Variants in CSMD1 observed in about 807,000 individuals in gnomAD.
CSMD1 encodes CUB and sushi domain-containing protein 1.
A neutral mutation model predicts 417.5 loss-of-function variants in CSMD1; 213 were observed. The observed-to-expected ratio is 0.51, with a 90% CI of 0.46 to 0.57. The LOEUF is 0.57. Ranked by LOEUF, CSMD1 falls within the 20% of genes least tolerant of loss-of-function variation. CSMD1 has a pLI of 0.00. For missense variants in CSMD1, 6,923 were observed against 4,529.7 expected (o/e 1.53, Z -15.17); for synonymous variants, 2,862 against 1,736.8 (o/e 1.65, Z -16.11).
chr8:4,552,967 T>C (rs1487533042), intron 2 of CSMD1, among the ~76,000 whole-genome samples: 1 of 152,234 alleles, frequency 6.6e-6, no homozygotes, highest in Non-Finnish European at 1.5e-5. Flanking sequence ...TCTGCTCTCT[T>C]GTACCTTGCT....
At position 4,682,734 on chromosome 8, in the gene CSMD1, C is replaced by T. The variant is rs144194202; in HGVS notation, c.86-45176G>A. 5.8e-3 allele frequency among the ~76,000 whole-genome samples: 876 copies of T among 151,536 alleles called. 9 individuals are homozygous for T. The highest frequency in any genetic ancestry group is 0.018 in the African/African-American group (737 of 41,438). On this transcript the variant is annotated intron_variant, in intron 1 of 69. Coordinates refer to ENST00000635120, the MANE Select transcript of CSMD1 (RefSeq NM_033225.6). ...ATTCTATATTATTTGTCCAATATTA[C>T]GTTGCTGTCTTAGCTTGAAAAAATA... is the stretch of plus-strand genomic sequence containing the variant.
At chr8:4,133,450 CTTAT>C (rs1803232181) in intron 3 of CSMD1, among the ~76,000 whole-genome samples, 1 of 152,096 alleles carries the variant, frequency 6.6e-6, no homozygotes, top group Non-Finnish European at 1.5e-5. Flanking sequence ...TATCATTTAC[CTTAT>C]TTTTCTTTCA....
chr8:3,567,393 G>C (rs1033551603), intron 10 of CSMD1, among the ~76,000 whole-genome samples: 6 of 151,042 alleles, frequency 4.0e-5, no homozygotes, highest in African/African-American at 1.5e-4. Flanking sequence ...TAACAAACCT[G>C]CATGTGTATC....
At chr8:4,270,253 A>C (rs1294750807) in intron 3 of CSMD1, among the ~76,000 whole-genome samples, 1 of 152,072 alleles carries the variant, frequency 6.6e-6, no homozygotes, top group African/African-American at 2.4e-5. Flanking sequence ...GTCTCTTACA[A>C]ATAGTTCTCA....
At chr8:3,062,122 G>C (rs549481904) in intron 49 of CSMD1, among the ~76,000 whole-genome samples, 1 of 152,236 alleles carries the variant, frequency 6.6e-6, no homozygotes, top group African/African-American at 2.4e-5. Flanking sequence ...CATTGAATTT[G>C]AGCATTAATG....
intron 3 of CSMD1, among the ~76,000 whole-genome samples, chr8:4,059,294 T>G (rs1472047010): frequency 6.7e-6 from 1 of 148,884 alleles, no homozygotes; most frequent in African/African-American, 2.5e-5. Flanking sequence ...TTCAAAACAC[T>G]GTGTAGAGTG....
intron 2 of CSMD1, among the ~76,000 whole-genome samples, chr8:4,535,181 G>C (rs1387367161): frequency 6.6e-6 from 1 of 151,862 alleles, no homozygotes; most frequent in Non-Finnish European, 1.5e-5. Context: ...ATCTATATAA[G>C]GTATATAAAG....
At chr8:3,352,413 G>T (rs748245693) in intron 21 of CSMD1, among the ~76,000 whole-genome samples, 1 of 152,132 alleles carries the variant, frequency 6.6e-6, no homozygotes, top group Non-Finnish European at 1.5e-5. Context: ...TAGAAGAGAA[G>T]TATCTTTGAA....
intron 10 of CSMD1, among the ~76,000 whole-genome samples, chr8:3,562,378 A>G (rs77496708): frequency 0.25 from 37,454 of 152,032 alleles, 5,071 homozygotes; most frequent in East Asian, 0.44. Flanking sequence ...ACACATGCAC[A>G]CACACACACG....
At chr8:3,054,433 C>G (rs1284648930) in intron 49 of CSMD1, among the ~76,000 whole-genome samples, 1 of 152,068 alleles carries the variant, frequency 6.6e-6, no homozygotes, top group Non-Finnish European at 1.5e-5. Context: ...GCCTGGGCAA[C>G]ATGGTGAAAC....
chr8:3,912,824 T>C (rs1808551572), intron 5 of CSMD1, among the ~76,000 whole-genome samples: 1 of 152,164 alleles, frequency 6.6e-6, no homozygotes, highest in Non-Finnish European at 1.5e-5. Context: ...GATTTTATGA[T>C]TTAAATTATA....
intron 26 of CSMD1, among the ~76,000 whole-genome samples, chr8:3,258,702 C>A (rs1800836848): frequency 6.6e-6 from 1 of 152,138 alleles, no homozygotes; most frequent in African/African-American, 2.4e-5. Flanking sequence ...AAATGCCCAT[C>A]AGTGATAGAC....
intron 5 of CSMD1, among the ~76,000 whole-genome samples, chr8:3,882,751 C>G (rs1220679062): frequency 1.3e-5 from 2 of 152,160 alleles, no homozygotes; most frequent in African/African-American, 4.8e-5. Context: ...ACAAACATAA[C>G]TTTGTGTGAA....
At position 3,485,446 on chromosome 8, in the gene CSMD1, G is replaced by T. The variant is rs1039353502; in HGVS notation, c.1448+8177C>A. 4.6e-5 allele frequency among the ~76,000 whole-genome samples: 7 copies of T among 151,840 alleles called. No homozygotes were observed. The South Asian group carries it at 1.0e-3, about 23-fold the overall frequency. On this transcript the variant is annotated intron_variant, in intron 11 of 69. Transcript: ENST00000635120. ...AAGGAAAATATGAGGGAACTTTGGG[G>T]TATTAGAAATTACCTGTCTTGACTG... is the stretch of plus-strand genomic sequence containing the variant.
intron 3 of CSMD1, among the ~76,000 whole-genome samples, chr8:4,367,489 G>A (rs1048599140): frequency 6.6e-6 from 1 of 152,160 alleles, no homozygotes; most frequent in Non-Finnish European, 1.5e-5. Context: ...AAATCGGGTA[G>A]TGTGATACCT....
chr8:4,553,253 G>A (rs1056337241), intron 2 of CSMD1, among the ~76,000 whole-genome samples: 15 of 152,160 alleles, frequency 9.9e-5, no homozygotes, highest in Non-Finnish European at 1.8e-4. Flanking sequence ...CATCATAAAT[G>A]TAACAGTTCC....
intron 3 of CSMD1, among the ~76,000 whole-genome samples, chr8:4,040,546 G>C (rs1056966516): frequency 3.9e-5 from 6 of 152,320 alleles, no homozygotes; most frequent in African/African-American, 1.2e-4. Flanking sequence ...ATGATAAAGT[G>C]TGATTAGATC....
chr8:3,281,315 G>A (rs563267982), intron 26 of CSMD1, among the ~76,000 whole-genome samples: 142 of 152,086 alleles, frequency 9.3e-4, no homozygotes, highest in Non-Finnish European at 1.5e-3. Context: ...GTGTTGGTGC[G>A]TGCTTGTAAT....
chr8:4,022,390 G>A (rs982349211), intron 4 of CSMD1, among the ~76,000 whole-genome samples: 4 of 151,978 alleles, frequency 2.6e-5, no homozygotes, highest in African/African-American at 7.2e-5. Context: ...AAAATTATGG[G>A]AGGACATATT....
Sources: gnomAD v4.1 joint callset for allele counts (sites outside exome capture counted in the v4.1 genomes callset) on GRCh38, gnomAD v4.1.1 for gene constraint, MANE v1.5 for transcripts, NCBI Gene and HGNC (gene_info 2026-07-23, HGNC 2026-07-21) for gene names.